The following LRIG1 variants were observed in gnomAD, a reference collection of about 807,000 sequenced individuals.
LRIG1 encodes leucine rich repeats and immunoglobulin like domains 1, also known as leucine-rich repeats and immunoglobulin-like domains protein 1.
Under a neutral mutation model 99.2 loss-of-function variants are expected in LRIG1, and 48 were observed. The ratio of observed to expected loss-of-function variants is 0.48; its 90% CI spans 0.38 to 0.62. LRIG1 has a LOEUF of 0.62. Among genes scored for constraint, LRIG1 ranks in the 20% least tolerant of loss-of-function variants. The pLI, the probability that LRIG1 is intolerant of heterozygous loss-of-function variation, is 0.00. For synonymous variants in LRIG1, 772 were observed against 596.1 expected (o/e 1.29, Z -4.30); for missense variants, 1,646 against 1,434.4 (o/e 1.15, Z -2.38).
intron 14 of LRIG1, among the ~76,000 whole-genome samples, chr3:66,383,732 A>T (rs150007365): frequency 2.0e-5 from 3 of 152,062 alleles, no homozygotes; most frequent in African/African-American, 7.3e-5. Flanking sequence ...GACCAAGCCC[A>T]CATCCATCCT....
intron 2 of LRIG1, among the ~76,000 whole-genome samples, chr3:66,460,969 G>A (rs1387014898): frequency 1.3e-5 from 2 of 152,184 alleles, no homozygotes; most frequent in Non-Finnish European, 2.9e-5. Flanking sequence ...TGTACCAGCT[G>A]ATGAAATTAA....
intron 13 of LRIG1, 117 bp downstream of exon 13, chr3:66,385,864 C>T: frequency 2.1e-6 from 2 of 947,350 alleles, no homozygotes; most frequent in South Asian, 3.2e-5. Flanking sequence ...TTTAACAGTG[C>T]CCCACAGAAG....
intron 3 of LRIG1, among the ~76,000 whole-genome samples, chr3:66,420,354 G>A (rs1264385113): frequency 2.0e-5 from 3 of 152,208 alleles, no homozygotes; most frequent in Non-Finnish European, 4.4e-5. Flanking sequence ...AACCCTGTAT[G>A]CCAGTGGTAG....
intron 9 of LRIG1, among the ~76,000 whole-genome samples, chr3:66,404,966 C>CG (rs1702208479): frequency 6.6e-6 from 1 of 152,208 alleles, no homozygotes; most frequent in Admixed American, 6.5e-5. Flanking sequence ...CGCCAAACGC[C>CG]GGGTTGCCAG....
At chr3:66,462,651 T>C in intron 1 of LRIG1, 142 bp from the exon 2 acceptor site, 1 of 650,716 alleles carries the variant, frequency 1.5e-6, no homozygotes, top group Non-Finnish European at 2.8e-6. Context: ...ACCGTATTGA[T>C]ACTGAGATTT....
At chr3:66,410,012 GGCCTGTCTCTGAGCCC>G in intron 7 of LRIG1, 101 bp downstream of exon 7, 2 of 1,095,062 alleles carry the variant, frequency 1.8e-6, no homozygotes, top group Admixed American at 4.9e-5. Flanking sequence ...CAGGGCTACT[GGCCTGTCTCTGAGCCC>G]TCCCCGAGGC....
At chr3:66,480,059 A>C (rs1337384952) in intron 1 of LRIG1, among the ~76,000 whole-genome samples, 4 of 152,222 alleles carry the variant, frequency 2.6e-5, no homozygotes, top group Non-Finnish European at 5.9e-5. Context: ...GAAATAAACA[A>C]AGTGTCCACC....
chr3:66,488,033 C>T (rs1054334701), intron 1 of LRIG1, among the ~76,000 whole-genome samples: 4 of 151,820 alleles, frequency 2.6e-5, no homozygotes, highest in Non-Finnish European at 4.4e-5. Context: ...ATTTTAAATC[C>T]GGAAGTTTCG....
At chr3:66,497,704 CAAAAAAAAAA>C (rs71616223) in intron 1 of LRIG1, among the ~76,000 whole-genome samples, 2 of 89,266 alleles carry the variant, frequency 2.2e-5, no homozygotes, top group Non-Finnish European at 4.0e-5. Context: ...GCACTGTTTA[CAAAAAAAAAA>C]AAAAAAAAAA....
chr3:66,434,148 A>C (rs1404496522), intron 3 of LRIG1, among the ~76,000 whole-genome samples: 1 of 152,252 alleles, frequency 6.6e-6, no homozygotes. Flanking sequence ...ATGAAAAGAC[A>C]AGCTACAGAT....
Position 66,383,106 on chromosome 3 carries a change from A to G in LRIG1, c.2367T>C (p.Asp789=), listed in dbSNP as rs1483317180. 1.2e-6 allele frequency: 2 copies of G among 1,614,242 alleles called. No individual in the cohort carries two copies. Among genetic ancestry groups the G allele is most frequent in the Non-Finnish European group, 1.7e-6 (2 of 1,180,034 alleles). Residue 789 remains aspartate, a synonymous_variant, in exon 15 of 19, where the codon GAT becomes GAC. Transcript: ENST00000273261. Reference sequence around the variant, plus strand: ...TGGTGAAGATGCCTACCGTGGTCCCATCCTTCCTGCAGCCTGCTGCGGGCA... The same window carrying G: ...TGGTGAAGATGCCTACCGTGGTCCCGTCCTTCCTGCAGCCTGCTGCGGGCA... ...SVLPAAGCRK[D]GTTVGIFTIA... is the part of the protein sequence containing the mutation.
At chr3:66,499,864 C>T (rs2106949214) in intron 1 of LRIG1, among the ~76,000 whole-genome samples, 1 of 146,326 alleles carries the variant, frequency 6.8e-6, no homozygotes, top group Admixed American at 6.8e-5. Flanking sequence ...CACTCAGCTC[C>T]AGACTCCCAC....
At chr3:66,385,946 A>T in intron 13 of LRIG1, 35 bp downstream of exon 13, 1 of 1,581,840 alleles carries the variant, frequency 6.3e-7, no homozygotes, top group African/African-American at 1.3e-5. Flanking sequence ...GCTTTGTAGG[A>T]TTCTGGTACT....
chr3:66,411,188 G>A (rs999299132), intron 6 of LRIG1, among the ~76,000 whole-genome samples: 2 of 152,170 alleles, frequency 1.3e-5, no homozygotes, highest in Admixed American at 6.5e-5. Flanking sequence ...GAAGGACAGC[G>A]CCAGCCCAGG....
chr3:66,472,435 A>G lies in LRIG1; in HGVS notation c.219-9926T>C, dbSNP rs559005071. Among the ~76,000 whole-genome samples the G allele has an allele frequency of 5.9e-4, 90 of 151,876 alleles. 2 individuals carry two copies. The highest frequency in any genetic ancestry group is 2.1e-3 in the African/African-American group (87 of 41,402). On this transcript the variant is annotated intron_variant, in intron 1 of 18. Transcript: ENST00000273261. ...GAATTGCGTAAACTTTGGCACAGTC[A>G]CCACCCGTAAGTGATGCTGTGATGA...
chr3:66,453,853 G>A (rs1216113371), intron 2 of LRIG1, among the ~76,000 whole-genome samples: 2 of 152,226 alleles, frequency 1.3e-5, no homozygotes, highest in Non-Finnish European at 2.9e-5. Flanking sequence ...TCTGCAGGGG[G>A]CTACGCCTGA....
intron 3 of LRIG1, among the ~76,000 whole-genome samples, chr3:66,427,700 G>A (rs965257916): frequency 1.3e-5 from 2 of 152,170 alleles, no homozygotes; most frequent in African/African-American, 4.8e-5. Flanking sequence ...GCTGGCAGTT[G>A]TTTTGTTTGT....
intron 3 of LRIG1, among the ~76,000 whole-genome samples, chr3:66,432,127 T>A (rs971978408): frequency 4.0e-5 from 6 of 151,856 alleles, no homozygotes; most frequent in African/African-American, 1.5e-4. Flanking sequence ...GTAGGGTTGG[T>A]ACAGCCCAGG....
intron 2 of LRIG1, among the ~76,000 whole-genome samples, chr3:66,454,524 C>A (rs1274174742): frequency 6.6e-6 from 1 of 152,150 alleles, no homozygotes; most frequent in Non-Finnish European, 1.5e-5. Flanking sequence ...CTTCCCCTGC[C>A]GACGCCCATC....
Sources: gnomAD v4.1 joint callset for allele counts (sites outside exome capture counted in the v4.1 genomes callset) on GRCh38, gnomAD v4.1.1 for gene constraint, MANE v1.5 for transcripts, NCBI Gene and HGNC (gene_info 2026-07-23, HGNC 2026-07-21) for gene names.